Variants in ST6GAL1 observed in about 807,000 individuals in gnomAD.
ST6GAL1 encodes the protein beta-galactoside alpha-2,6-sialyltransferase 1.
Under a neutral mutation model 38.0 loss-of-function variants are expected in ST6GAL1, and 20 were observed. The observed-to-expected ratio is 0.53, with a 90% CI of 0.37 to 0.77. The LOEUF is 0.77. ST6GAL1 is among the 30% of genes least tolerant of loss of function. The pLI is 0.00. For missense variants in ST6GAL1, 432 were observed against 496.4 expected (o/e 0.87, Z 1.23); for synonymous variants, 196 against 188.2 (o/e 1.04, Z -0.34).
chr3:186,962,554 C>T (rs1385638010), intron 1 of ST6GAL1, among the ~76,000 whole-genome samples: 1 of 152,084 alleles, frequency 6.6e-6, no homozygotes, highest in Non-Finnish European at 1.5e-5. Flanking sequence ...GGGGAATGGG[C>T]ACATTTCTCC....
intron 2 of ST6GAL1, among the ~76,000 whole-genome samples, chr3:186,999,869 C>G (rs954556918): frequency 2.0e-5 from 3 of 151,778 alleles, no homozygotes; most frequent in African/African-American, 7.3e-5. Flanking sequence ...TTTTTAGAGA[C>G]AGAGTCCTCC....
In ST6GAL1 at chr3:187,043,047, A is replaced by G; in HGVS notation, c.344A>G (p.Asn115Ser). ...CCTAGGCTGCAAAAGATCTGGAAGA[A>G]TTACCTAAGCATGAACAAGTACAAA... ...LIPRLQKIWKNYLSMNKYKVS... is the reference protein window; with the variant it reads ...LIPRLQKIWKSYLSMNKYKVS... The change falls in exon 4 of 8, where the codon AAT becomes AGT. Residue 115 changes from asparagine to serine, a missense_variant. Asn to Ser is a conservative substitution (Grantham distance 46). Transcript: ENST00000169298. 6.2e-7 allele frequency: 1 copy of G among 1,614,216 alleles called. No homozygotes were observed. Among genetic ancestry groups the G allele is most frequent in the Non-Finnish European group, 8.5e-7 (1 of 1,180,034 alleles).
At chr3:187,050,990 G>A (rs755096331) in intron 4 of ST6GAL1, among the ~76,000 whole-genome samples, 10 of 152,206 alleles carry the variant, frequency 6.6e-5, no homozygotes, top group South Asian at 4.1e-4. Flanking sequence ...AGGCACAAGC[G>A]AATGTCTTTG....
At chr3:186,998,640 C>T (rs1238560181) in intron 2 of ST6GAL1, among the ~76,000 whole-genome samples, 1 of 152,174 alleles carries the variant, frequency 6.6e-6, no homozygotes, top group African/African-American at 2.4e-5. Context: ...ATAAATGGAA[C>T]TGTGCTGTTT....
chr3:186,968,558 C>T, intron 2 of ST6GAL1, among the ~76,000 whole-genome samples: 1 of 152,308 alleles, frequency 6.6e-6, no homozygotes, highest in South Asian at 2.1e-4. Flanking sequence ...CCTCAGGCAA[C>T]CACTGGACTA....
chr3:187,016,398 G>T (rs1717115655), intron 2 of ST6GAL1, among the ~76,000 whole-genome samples: 1 of 152,192 alleles, frequency 6.6e-6, no homozygotes. Flanking sequence ...GAGTGCAGGA[G>T]AGTGTGTGTG....
chr3:186,935,617 C>T (rs1156537776), intron 1 of ST6GAL1, among the ~76,000 whole-genome samples: 1 of 152,210 alleles, frequency 6.6e-6, no homozygotes, highest in Non-Finnish European at 1.5e-5. Context: ...ACACTCCCAC[C>T]AACAGTGTAT....
intron 2 of ST6GAL1, chr3:187,024,591 A>G (rs113672473): frequency 2.4e-4 from 36 of 151,984 alleles, no homozygotes; most frequent in South Asian, 1.0e-3. Context: ...CCAAATCTCA[A>G]CAAGCCTTGA....
At chr3:186,946,940 G>A (rs16861317) in intron 1 of ST6GAL1, among the ~76,000 whole-genome samples, 21,334 of 151,978 alleles carry the variant, frequency 0.14, 1,650 homozygotes, top group South Asian at 0.24. Context: ...GGGGATTGGG[G>A]CCCACACGAC....
intron 2 of ST6GAL1, among the ~76,000 whole-genome samples, chr3:186,966,363 T>A (rs565221062): frequency 2.6e-5 from 4 of 152,332 alleles, no homozygotes; most frequent in Non-Finnish European, 4.4e-5. Flanking sequence ...ATCTATCCCA[T>A]GTCACGGATG....
chr3:186,938,680 A>G (rs1402862733), intron 1 of ST6GAL1, among the ~76,000 whole-genome samples: 1 of 152,244 alleles, frequency 6.6e-6, no homozygotes, highest in African/African-American at 2.4e-5. Flanking sequence ...GATGCATAAA[A>G]AAAGAATAAA....
At chr3:186,956,228 CACAA>C (rs1714745666) in intron 1 of ST6GAL1, among the ~76,000 whole-genome samples, 2 of 152,122 alleles carry the variant, frequency 1.3e-5, no homozygotes, top group African/African-American at 2.4e-5. Flanking sequence ...GAAATGCATA[CACAA>C]ACAAGCCCTT....
chr3:186,935,696 T>C (rs780262303), intron 1 of ST6GAL1, among the ~76,000 whole-genome samples: 3 of 152,226 alleles, frequency 2.0e-5, no homozygotes, highest in Non-Finnish European at 2.9e-5. Context: ...ATATCCATTC[T>C]GACTGGTGTG....
At chr3:186,997,980 C>T (rs1236424180) in intron 2 of ST6GAL1, among the ~76,000 whole-genome samples, 1 of 152,008 alleles carries the variant, frequency 6.6e-6, no homozygotes, top group East Asian at 1.9e-4. Flanking sequence ...GGCATGGTGG[C>T]TCGTGCCTAT....
At chr3:186,998,466 C>G (rs1036212187) in intron 2 of ST6GAL1, among the ~76,000 whole-genome samples, 8 of 152,030 alleles carry the variant, frequency 5.3e-5, no homozygotes, top group African/African-American at 1.9e-4. Flanking sequence ...GGAAGTGGAT[C>G]CTCATAAAGG....
intron 2 of ST6GAL1, among the ~76,000 whole-genome samples, chr3:186,967,980 AAGAG>A (rs1270370108): frequency 1.3e-5 from 2 of 152,144 alleles, no homozygotes; most frequent in Non-Finnish European, 2.9e-5. Context: ...GTGGCAATCC[AAGAG>A]AGAGAGGGTG....
intron 5 of ST6GAL1, among the ~76,000 whole-genome samples, chr3:187,062,480 C>T (rs9828042): frequency 0.099 from 15,031 of 151,276 alleles, 2,480 homozygotes; most frequent in African/African-American, 0.34. Flanking sequence ...TTTATACATA[C>T]AATAAAATAT....
At chr3:187,066,888 A>G (rs1286760540) in intron 5 of ST6GAL1, among the ~76,000 whole-genome samples, 1 of 151,956 alleles carries the variant, frequency 6.6e-6, no homozygotes, top group Non-Finnish European at 1.5e-5. Flanking sequence ...GAACAGCTTT[A>G]TTCTTCCAGG....
intron 2 of ST6GAL1, among the ~76,000 whole-genome samples, chr3:186,984,746 C>T (rs377077080): frequency 0.08 from 2,775 of 34,556 alleles, 35 homozygotes; most frequent in South Asian, 0.092. Flanking sequence ...TTCCTTCCCT[C>T]CCTCCCTCCC....
Sources: allele counts gnomAD v4.1 joint callset (sites outside exome capture counted in the v4.1 genomes callset), GRCh38; gene constraint gnomAD v4.1.1; transcripts MANE v1.5; gene names NCBI Gene and HGNC (gene_info 2026-07-23, HGNC 2026-07-21).